Variants in KLF12 observed in about 807,000 individuals in gnomAD.
KLF12 encodes KLF transcription factor 12, also known as Krueppel-like factor 12.
In KLF12, 9 loss-of-function variants were observed where a neutral mutation model predicts 37.8. The observed-to-expected ratio is 0.24, with a 90% CI of 0.14 to 0.42. The LOEUF (loss-of-function observed/expected upper bound fraction) is 0.42. Among genes scored for constraint, KLF12 ranks in the 10% least tolerant of loss-of-function variants. The pLI is 1.00. For synonymous variants in KLF12, 208 were observed against 202.1 expected (o/e 1.03, Z -0.25); for missense variants, 411 against 516.0 (o/e 0.80, Z 1.97).
At chr13:74,212,487 C>A in the KLF12 span, among the ~76,000 whole-genome samples, 1 of 152,146 alleles carries the variant, frequency 6.6e-6, no homozygotes, top group Non-Finnish European at 1.5e-5. Flanking sequence ...ATTGGAGTTT[C>A]ATTAAGAAGA....
At chr13:73,900,952 T>C (rs562401274) in intron 3 of KLF12, among the ~76,000 whole-genome samples, 34 of 152,214 alleles carry the variant, frequency 2.2e-4, no homozygotes, top group Non-Finnish European at 4.0e-4. Flanking sequence ...TTCTGAATCA[T>C]AGACTGTTAG....
At position 73,695,510 on chromosome 13, in the gene KLF12, G is replaced by A. The variant is rs1257857115; in HGVS notation, c.1189C>T (p.Arg397Trp). The change falls in exon 8 of 8, where the codon CGG (arginine) becomes TGG (tryptophan). Residue 397 changes from arginine (R) to tryptophan (W), a missense_variant. By Grantham distance (101) the Arg-to-Trp change is moderately radical. Coordinates refer to ENST00000377669, the MANE Select transcript of KLF12 (RefSeq NM_007249.5). ...ATTCCTCACACCAACATATGCCTCCGGCGGTGCAGGGCCAAATGATCTGAC... is the reference window on the plus strand; with the variant it reads ...ATTCCTCACACCAACATATGCCTCCAGCGGTGCAGGGCCAAATGATCTGAC... 1.2e-6 allele frequency: 2 copies of A among 1,613,908 alleles called. No individual in the cohort carries two copies. The highest frequency in any genetic ancestry group is 1.1e-5 in the South Asian group (1 of 91,062).
the KLF12 span, among the ~76,000 whole-genome samples, chr13:74,172,233 A>C: frequency 1.3e-5 from 2 of 151,828 alleles, no homozygotes; most frequent in Admixed American, 1.3e-4. Flanking sequence ...CATTTATCAG[A>C]TATCAACAAG....
the KLF12 span, among the ~76,000 whole-genome samples, chr13:74,190,424 T>C: frequency 6.6e-6 from 1 of 152,226 alleles, no homozygotes; most frequent in South Asian, 2.1e-4. Flanking sequence ...CTTCCTTTGA[T>C]GTTTAACTGT....
chr13:73,939,109 G>A (rs1593758657), intron 3 of KLF12, among the ~76,000 whole-genome samples: 2 of 152,290 alleles, frequency 1.3e-5, no homozygotes, highest in East Asian at 3.9e-4. Flanking sequence ...CAGGAGAGAA[G>A]AGAGGCAGGA....
chr13:73,874,883 T>C (rs1886631336), intron 3 of KLF12, among the ~76,000 whole-genome samples: 1 of 152,204 alleles, frequency 6.6e-6, no homozygotes, highest in Non-Finnish European at 1.5e-5. Flanking sequence ...AAGAGAAATT[T>C]TAAGAATTAT....
intron 5 of KLF12, among the ~76,000 whole-genome samples, chr13:73,783,091 C>A (rs1443051499): frequency 1.3e-5 from 2 of 152,092 alleles, no homozygotes; most frequent in Non-Finnish European, 2.9e-5. Flanking sequence ...TACATTATGG[C>A]TTTTTCAGGT....
chr13:74,111,106 T>A lies in KLF12; in HGVS notation c.-32+22633A>T, dbSNP rs936188430. Among the ~76,000 whole-genome samples, 11 of 147,538 alleles carry A rather than the reference T, an allele frequency of 7.5e-5. No individual in the cohort carries two copies. The South Asian group carries it at 2.3e-3, about 31-fold the overall frequency. On this transcript the variant is annotated intron_variant, in intron 1 of 7. Coordinates refer to ENST00000377669, the MANE Select transcript of KLF12 (RefSeq NM_007249.5). ...AGGCAGGGGTTGCAGTGAGCCAAGATCCCACCATTGCACTCCAGCCTGGGC... is the reference window on the plus strand; with the variant it reads ...AGGCAGGGGTTGCAGTGAGCCAAGAACCCACCATTGCACTCCAGCCTGGGC...
chr13:73,926,579 G>A (rs1889385782), intron 3 of KLF12, among the ~76,000 whole-genome samples: 1 of 151,722 alleles, frequency 6.6e-6, no homozygotes, highest in Non-Finnish European at 1.5e-5. Context: ...TATCTCTGAG[G>A]TGTGTCTGTA....
intron 3 of KLF12, among the ~76,000 whole-genome samples, chr13:73,921,795 C>G (rs1889128711): frequency 6.6e-6 from 1 of 152,262 alleles, no homozygotes; most frequent in South Asian, 2.1e-4. Context: ...TTTCTAGATA[C>G]GTGTCTTTTG....
In KLF12 at chr13:73,826,098, G is replaced by A. The variant is rs367797482; in HGVS notation, c.671-12811C>T. Among the ~76,000 whole-genome samples, 19 of 151,796 alleles carry A rather than the reference G, an allele frequency of 1.3e-4. No individual in the cohort carries two copies. The East Asian group carries it at 1.9e-3, about 15-fold the overall frequency. ...CGCTATTCTCCTGCCTCATCCTCCCGAGTAGCTGGGACTACAGGCGCCCGC... is the reference window on the plus strand; with the variant it reads ...CGCTATTCTCCTGCCTCATCCTCCCAAGTAGCTGGGACTACAGGCGCCCGC... On this transcript the variant is annotated intron_variant, in intron 4 of 7. Transcript: ENST00000377669.
intron 2 of KLF12, among the ~76,000 whole-genome samples, chr13:73,956,133 A>C (rs536023066): frequency 2.6e-5 from 4 of 152,368 alleles, no homozygotes; most frequent in Non-Finnish European, 4.4e-5. Flanking sequence ...TTTTTAAATT[A>C]AGGAATTATA....
intron 4 of KLF12, among the ~76,000 whole-genome samples, chr13:73,834,976 T>C (rs1884353475): frequency 6.6e-6 from 1 of 151,940 alleles, no homozygotes; most frequent in East Asian, 1.9e-4. Context: ...TAAGCACAGA[T>C]ACACAGAATG....
the KLF12 span, among the ~76,000 whole-genome samples, chr13:74,303,519 G>A: frequency 2.6e-5 from 4 of 152,088 alleles, no homozygotes; most frequent in African/African-American, 9.7e-5. Flanking sequence ...AGAACTAAAC[G>A]AGCTCAGACC....
chr13:74,244,095 C>T, the KLF12 span, among the ~76,000 whole-genome samples: 5 of 152,108 alleles, frequency 3.3e-5, no homozygotes, highest in Non-Finnish European at 7.4e-5. Flanking sequence ...TTGTTTTTAA[C>T]CTCAAACCTT....
At chr13:73,811,366 G>C (rs1882933837) in intron 5 of KLF12, among the ~76,000 whole-genome samples, 1 of 152,080 alleles carries the variant, frequency 6.6e-6, no homozygotes, top group African/African-American at 2.4e-5. Context: ...TCTAAACTTT[G>C]TCTTGTTACC....
In KLF12 at chr13:73,813,040, G is replaced by A. The variant is rs150865556; in HGVS notation, c.806+112C>T. The stretch of plus-strand genomic sequence containing the variant: ...GCTGAATGAAAAGCTGCTGACATTC[G>A]TGCCAGTTCACAGCTAGAATGACAT... On this transcript the variant is annotated intron_variant, in intron 5 of 7. Transcript: ENST00000377669. The A allele has an allele frequency of 2.3e-4, 252 of 1,104,094 alleles. No homozygotes were observed. In the African/African-American group the frequency reaches 3.1e-3, roughly 14 times the overall value. The allele number at this position is 1,104,094 out of a possible 1,614,324, so 68.4% of individuals were successfully genotyped here.
intron 1 of KLF12, among the ~76,000 whole-genome samples, chr13:74,051,166 A>T (rs1872896253): frequency 6.6e-6 from 1 of 152,226 alleles, no homozygotes; most frequent in African/African-American, 2.4e-5. Flanking sequence ...ATGATCTACC[A>T]ATCCCACTAC....
chr13:73,922,297 C>T (rs1003307845), intron 3 of KLF12, among the ~76,000 whole-genome samples: 5 of 152,094 alleles, frequency 3.3e-5, no homozygotes, highest in African/African-American at 1.2e-4. Context: ...CTATGTTAGA[C>T]ATTCTACAGA....
Sources: gnomAD v4.1 joint callset for allele counts (sites outside exome capture counted in the v4.1 genomes callset) on GRCh38, gnomAD v4.1.1 for gene constraint, MANE v1.5 for transcripts, NCBI Gene and HGNC (gene_info 2026-07-23, HGNC 2026-07-21) for gene names.